The following CCDC7 variants were observed in gnomAD, a reference collection of about 807,000 sequenced individuals.
CCDC7 encodes coiled-coil domain containing 7.
Under a neutral mutation model 196.9 loss-of-function variants are expected in CCDC7, and 183 were observed. The observed-to-expected ratio is 0.93, with a 90% CI of 0.82 to 1.05. The LOEUF is 1.05. Ranked by LOEUF, CCDC7 falls within the 50% of genes least tolerant of loss-of-function variation. CCDC7 has a pLI of 0.00. For missense variants in CCDC7, 1,540 were observed against 1,482.2 expected, an observed-to-expected ratio of 1.04 and a Z score of -0.64; for synonymous variants, 525 against 484.6, an observed-to-expected ratio of 1.08 and a Z score of -1.10.
intron 9 of CCDC7, among the ~76,000 whole-genome samples, chr10:32,505,982 T>TTCC (rs2044952195): frequency 3.1e-5 from 4 of 130,902 alleles, no homozygotes; most frequent in Admixed American, 7.6e-5. Context: ...CGCTCCTCAC[T>TTCC]TCCCAGACGG....
chr10:32,590,890 CT>C, intron 18 of CCDC7, among the ~76,000 whole-genome samples: 1 of 152,136 alleles, frequency 6.6e-6, no homozygotes. Flanking sequence ...GTTTTTTTCC[CT>C]CTTGCTGCTT....
At chr10:32,529,469 C>T (rs1183941854) in intron 11 of CCDC7, among the ~76,000 whole-genome samples, 6 of 152,164 alleles carry the variant, frequency 3.9e-5, no homozygotes. Flanking sequence ...GCCATTCTTG[C>T]AGGAGTAAGG....
chr10:32,634,386 A>G (rs561484868), intron 19 of CCDC7, 22 bp downstream of exon 20: 2 of 955,480 alleles, frequency 2.1e-6, no homozygotes, highest in Admixed American at 4.3e-5. Flanking sequence ...AATTATACAT[A>G]TCTTTACACT....
At chr10:32,578,280 C>T (rs34774922) in intron 16 of CCDC7, among the ~76,000 whole-genome samples, 2,135 of 152,124 alleles carry the variant, frequency 0.014, 26 homozygotes, top group Non-Finnish European at 0.023. Context: ...GCAGCAGTTT[C>T]CTGCCTTTTT....
intron 8 of CCDC7, among the ~76,000 whole-genome samples, chr10:32,480,310 T>C (rs1261285648): frequency 1.3e-5 from 2 of 152,014 alleles, no homozygotes; most frequent in Non-Finnish European, 2.9e-5. Flanking sequence ...CTTTTTTTAA[T>C]GTATACTTTA....
At chr10:32,729,197 G>A in intron 27 of CCDC7, 135 bp from the exon 29 acceptor site, 2 of 920,972 alleles carry the variant, frequency 2.2e-6, no homozygotes, top group South Asian at 1.8e-5. Context: ...TTAATTATAA[G>A]TAGTATCACT....
At chr10:32,597,241 T>G (rs2060480490) in intron 18 of CCDC7, among the ~76,000 whole-genome samples, 1 of 152,198 alleles carries the variant, frequency 6.6e-6, no homozygotes, top group Admixed American at 6.5e-5. Context: ...TCTTTTTTTC[T>G]CTAAACTTCT....
At position 32,773,135 on chromosome 10, in the gene CCDC7, G is replaced by T. The variant is rs151316987; in HGVS notation, c.2906-5842G>T. ...GTCCTTAACTTGTTAATTTGATTAT[G>T]ATGTGCCTTGGTGATTACATTTTGG... On this transcript the variant is annotated intron_variant, in intron 28 of 41. Transcript: ENST00000639629. 3.3e-5 allele frequency among the ~76,000 whole-genome samples: 5 copies of T among 152,284 alleles called. No individual in the cohort carries two copies. The East Asian group carries it at 9.6e-4, about 29-fold the overall frequency.
chr10:32,690,303 A>G lies in CCDC7; in HGVS notation c.2344+1140A>G, dbSNP rs138544240. 4.8e-3 allele frequency among the ~76,000 whole-genome samples: 730 copies of G among 152,318 alleles called. 5 individuals carry two copies. The highest frequency in any genetic ancestry group is 0.017 in the African/African-American group (696 of 41,562). ...CTCCCCTTGGGAGCAGGCCATTTAG[A>G]GGTCATTATGCATTGATGACAGATA... On this transcript the variant is annotated intron_variant, in intron 23 of 41. Coordinates refer to ENST00000639629, the Ensembl canonical transcript of CCDC7.
chr10:32,659,779 G>A lies in CCDC7; in HGVS notation c.2015-4275G>A, dbSNP rs149356294. ...ATGCAAATGAAAACCATGAGATGCCGTCTCACACCAATCAGAATGGCTATT... is the reference window on the plus strand; with the variant it reads ...ATGCAAATGAAAACCATGAGATGCCATCTCACACCAATCAGAATGGCTATT... On this transcript the variant is annotated intron_variant, in intron 20 of 41. Transcript: ENST00000639629. 1.2e-3 allele frequency among the ~76,000 whole-genome samples: 180 copies of A among 152,212 alleles called. 1 individual carries two copies. Among genetic ancestry groups the A allele is most frequent in the African/African-American group, 3.8e-3 (156 of 41,556 alleles).
intron 18 of CCDC7, among the ~76,000 whole-genome samples, chr10:32,633,508 A>G (rs527914793): frequency 1.3e-5 from 2 of 152,258 alleles, no homozygotes; most frequent in Admixed American, 1.3e-4. Context: ...AAACAAATTT[A>G]CTAAAATATT....
At chr10:32,529,715 G>T (rs576073268) in intron 11 of CCDC7, among the ~76,000 whole-genome samples, 6 of 152,210 alleles carry the variant, frequency 3.9e-5, no homozygotes, top group Admixed American at 3.9e-4. Flanking sequence ...CTCCCATGCT[G>T]TGGGTTGTCT....
chr10:32,820,546 C>T (rs1416158755), intron 31 of CCDC7, among the ~76,000 whole-genome samples: 4 of 152,144 alleles, frequency 2.6e-5, no homozygotes, highest in East Asian at 1.9e-4. Flanking sequence ...GGAGGCATCA[C>T]GCTACCTGAC....
At chr10:32,807,176 A>G (rs2086009991) in intron 30 of CCDC7, among the ~76,000 whole-genome samples, 1 of 152,190 alleles carries the variant, frequency 6.6e-6, no homozygotes, top group Non-Finnish European at 1.5e-5. Context: ...AACCCATAAA[A>G]CGAACATAGG....
intron 33 of CCDC7, among the ~76,000 whole-genome samples, chr10:32,837,894 G>A (rs1001822793): frequency 7.2e-6 from 1 of 139,300 alleles, no homozygotes; most frequent in South Asian, 2.4e-4. Flanking sequence ...ATGGACACAG[G>A]AAGGGGAACA....
intron 32 of CCDC7, among the ~76,000 whole-genome samples, chr10:32,831,310 T>A (rs2092136998): frequency 6.6e-6 from 1 of 152,122 alleles, no homozygotes; most frequent in Non-Finnish European, 1.5e-5. Flanking sequence ...TCTGGGTGCA[T>A]CAGTGAGTGA....
chr10:32,789,070 C>T (rs2082289019), intron 29 of CCDC7, among the ~76,000 whole-genome samples: 1 of 150,520 alleles, frequency 6.6e-6, no homozygotes, highest in Non-Finnish European at 1.5e-5. Flanking sequence ...AACCCATAGT[C>T]TCTGGTTGAG....
At chr10:32,597,771 G>A (rs1762518) in intron 18 of CCDC7, among the ~76,000 whole-genome samples, 151,638 of 152,330 alleles carry the variant, frequency 1, 75,478 homozygotes, top group Middle Eastern at 1. Flanking sequence ...GGTCTCTTGG[G>A]GTGTGCTGGC....
chr10:32,577,244 C>A (rs528140398), intron 16 of CCDC7, among the ~76,000 whole-genome samples: 1 of 152,110 alleles, frequency 6.6e-6, no homozygotes, highest in East Asian at 1.9e-4. Context: ...CGCCTGTAGT[C>A]CCAGCTACTT....
Sources: allele counts gnomAD v4.1 joint callset (sites outside exome capture counted in the v4.1 genomes callset), GRCh38; gene constraint gnomAD v4.1.1; transcripts MANE v1.5; gene names NCBI Gene and HGNC (gene_info 2026-07-23, HGNC 2026-07-21).